The following NCOR1 variants were observed in gnomAD, a reference collection of about 807,000 sequenced individuals.
NCOR1 encodes protein phosphatase 1, regulatory subunit 109.
A neutral mutation model predicts 288.1 loss-of-function variants in NCOR1; 63 were observed. The ratio of observed to expected loss-of-function variants is 0.22; its 90% CI spans 0.18 to 0.27. NCOR1 has a LOEUF of 0.27. Ranked by LOEUF, NCOR1 falls within the 10% of genes least tolerant of loss-of-function variation. The pLI, the probability that NCOR1 is intolerant of heterozygous loss-of-function variation, is 1.00. For synonymous variants in NCOR1, 1,007 were observed against 1,065.9 expected (o/e 0.94, Z 1.08); for missense variants, 2,397 against 3,019.2 (o/e 0.79, Z 4.83).
intron 30 of NCOR1, among the ~76,000 whole-genome samples, 192 bp from the exon 31 acceptor site, chr17:16,070,717 A>G (rs1440049871): frequency 6.6e-6 from 1 of 152,180 alleles, no homozygotes; most frequent in Non-Finnish European, 1.5e-5. Flanking sequence ...TGCTATAGAC[A>G]TAAGAAAACC....
chr17:16,123,432 G>A (rs1314000318), intron 15 of NCOR1, among the ~76,000 whole-genome samples: 1 of 152,104 alleles, frequency 6.6e-6, no homozygotes, highest in Non-Finnish European at 1.5e-5. Flanking sequence ...CATATCTCTA[G>A]TCTATTCATT....
intron 1 of NCOR1, among the ~76,000 whole-genome samples, chr17:16,208,502 ACTTTCT>A (rs1003285145): frequency 1.3e-5 from 2 of 152,044 alleles, no homozygotes; most frequent in African/African-American, 2.4e-5. Flanking sequence ...TCCCATGTTT[ACTTTCT>A]CTTTCTCCCC....
intron 22 of NCOR1, among the ~76,000 whole-genome samples, chr17:16,089,082 A>G (rs1271105632): frequency 6.6e-6 from 1 of 151,506 alleles, no homozygotes; most frequent in African/African-American, 2.4e-5. Flanking sequence ...CAGTAAGTTT[A>G]TAACTATGTT....
chr17:16,163,065 A>G (rs1460646408), intron 5 of NCOR1, among the ~76,000 whole-genome samples: 1 of 152,190 alleles, frequency 6.6e-6, no homozygotes, highest in Admixed American at 6.5e-5. Context: ...AGGTAAAACT[A>G]TAAAATGTGT....
intron 40 of NCOR1, 123 bp downstream of exon 40, chr17:16,057,391 C>T (rs2060059076): frequency 1.1e-6 from 1 of 948,430 alleles, no homozygotes; most frequent in East Asian, 2.5e-5. Flanking sequence ...AGCTCATTTA[C>T]ACTTTCCTGG....
chr17:16,119,074 T>C (rs1213242627), intron 17 of NCOR1, among the ~76,000 whole-genome samples: 3 of 152,240 alleles, frequency 2.0e-5, no homozygotes, highest in Non-Finnish European at 4.4e-5. Flanking sequence ...AATAGAAATA[T>C]AGACTTTATA....
At chr17:16,181,372 C>A (rs2085445800) in intron 3 of NCOR1, among the ~76,000 whole-genome samples, 1 of 118,524 alleles carries the variant, frequency 8.4e-6, no homozygotes, top group Admixed American at 1.0e-4. Context: ...TGCATGATCT[C>A]CCCTATATAT....
Position 16,061,468 on chromosome 17 carries a change from G to A in NCOR1, c.5814C>T (p.Thr1938=), listed in dbSNP as rs749958133. The change falls in exon 37 of 46, where the codon ACC becomes ACT. Residue 1938 remains threonine, a synonymous_variant. Coordinates refer to ENST00000268712, the MANE Select transcript of NCOR1 (RefSeq NM_006311.4). The part of the protein sequence containing the change: ...TAANFIDVII[T]RQIASDKDAR... ...CATCCTTGTCCGAGGCAATTTGCCG[G>A]GTGATGATCACGTCTATGAAGTTAG... 1 of 1,614,192 alleles carries A rather than the reference G, an allele frequency of 6.2e-7. No homozygotes were observed. The highest frequency in any genetic ancestry group is 1.1e-5 in the South Asian group (1 of 91,080).
intron 42 of NCOR1, among the ~76,000 whole-genome samples, chr17:16,045,933 TC>T (rs1206143688): frequency 6.6e-6 from 1 of 152,124 alleles, no homozygotes; most frequent in Admixed American, 6.5e-5. Flanking sequence ...CACCTCAGCT[TC>T]CCATGTAAAT....
At chr17:16,053,997 A>ACT (rs2059611220) in intron 40 of NCOR1, among the ~76,000 whole-genome samples, 1 of 151,508 alleles carries the variant, frequency 6.6e-6, no homozygotes, top group Admixed American at 6.6e-5. Flanking sequence ...CACATGCAGA[A>ACT]GACTGAAACT....
chr17:16,192,808 A>G (rs1299736127), intron 2 of NCOR1, among the ~76,000 whole-genome samples: 1 of 152,226 alleles, frequency 6.6e-6, no homozygotes, highest in African/African-American at 2.4e-5. Flanking sequence ...TAATAATCAA[A>G]AACTGGAATA....
rs2061751016 is a variant in NCOR1, at chr17:16,071,417, T to C, written c.4144A>G (p.Ile1382Val). ...AGCCAAAACTTAGTTACCTGGGAAATGGAACCCTCAATTATCGGCCGTGTG... is the reference window on the plus strand; with the variant it reads ...AGCCAAAACTTAGTTACCTGGGAAACGGAACCCTCAATTATCGGCCGTGTG... ...QSTRPIIEGS[I>V]SQGTPIKFDN... The change falls in exon 30 of 46, where the codon ATT becomes GTT. Residue 1382 changes from isoleucine (I) to valine (V), a missense_variant. Coordinates refer to ENST00000268712, the MANE Select transcript of NCOR1 (RefSeq NM_006311.4). 2 of 1,608,772 alleles carry C rather than the reference T, an allele frequency of 1.2e-6. No homozygotes were observed. The highest frequency in any genetic ancestry group is 2.7e-5 in the African/African-American group (2 of 74,628).
chr17:16,087,472 G>A (rs2064430293), intron 22 of NCOR1: 2 of 398,214 alleles, frequency 5.0e-6, no homozygotes, highest in African/African-American at 4.2e-5. Flanking sequence ...ACTCCTGGGG[G>A]CAAAATTCAC....
At chr17:16,044,933 T>A (rs184624358) in intron 42 of NCOR1, 42 of 648,482 alleles carry the variant, frequency 6.5e-5, no homozygotes, top group Non-Finnish European at 9.2e-5. Flanking sequence ...AGTCTGATGA[T>A]GACATGGGCT....
At chr17:16,069,682 T>A (rs1308058741) in intron 31 of NCOR1, among the ~76,000 whole-genome samples, 1 of 152,214 alleles carries the variant, frequency 6.6e-6, no homozygotes, top group South Asian at 2.1e-4. Context: ...TTGATCTTCA[T>A]AACAATCCAG....
intron 14 of NCOR1, among the ~76,000 whole-genome samples, chr17:16,128,721 T>C (rs2075141122): frequency 6.6e-6 from 1 of 152,240 alleles, no homozygotes; most frequent in African/African-American, 2.4e-5. Flanking sequence ...AACTAATTAA[T>C]TTTAAGAAAA....
chr17:16,075,409 T>A, intron 27 of NCOR1, 125 bp downstream of exon 27: 1 of 1,059,374 alleles, frequency 9.4e-7, no homozygotes, highest in Admixed American at 2.3e-5. Context: ...CCCCATTTAC[T>A]GAGAGAAAAC....
intron 43 of NCOR1, 175 bp from the exon 44 acceptor site, chr17:16,039,829 C>T (rs763783073): frequency 1.1e-5 from 7 of 611,942 alleles, no homozygotes; most frequent in Non-Finnish European, 2.0e-5. Flanking sequence ...CTCTCTGTCG[C>T]ACCCAGGCTG....
Position 16,030,585 on chromosome 17 carries a change from G to A in NCOR1, c.*1711C>T. On this transcript the variant is annotated 3_prime_UTR_variant, in exon 46 of 46. Transcript: ENST00000268712. ...AATTTTTATATGTTTACATATATCT[G>A]TTGTAAAAAATACCAACTTTCCAAG... The A allele has an allele frequency of 5.4e-6, 1 of 184,444 alleles. No individual in the cohort carries two copies. Among genetic ancestry groups the A allele is most frequent in the Non-Finnish European group, 1.1e-5 (1 of 87,090 alleles). The allele number at this position is 184,444 out of a possible 1,614,324, so 11.4% of individuals were successfully genotyped here.
Sources: gnomAD v4.1 joint callset for allele counts (sites outside exome capture counted in the v4.1 genomes callset) on GRCh38, gnomAD v4.1.1 for gene constraint, MANE v1.5 for transcripts, NCBI Gene and HGNC (gene_info 2026-07-23, HGNC 2026-07-21) for gene names.